The following BRD3 variants were observed in gnomAD, a reference collection of about 807,000 sequenced individuals.
BRD3 encodes the protein bromodomain-containing protein 3.
In BRD3, 17 loss-of-function variants were observed where a neutral mutation model predicts 66.8. That is an observed-to-expected ratio of 0.25 (90% confidence interval 0.17 to 0.38). BRD3 has a LOEUF of 0.38. Ranked by LOEUF, BRD3 falls within the 10% of genes least tolerant of loss-of-function variation. BRD3 has a pLI of 1.00. For synonymous variants in BRD3, 421 were observed against 393.2 expected, an observed-to-expected ratio of 1.07 and a Z score of -0.84; for missense variants, 713 against 956.1, an observed-to-expected ratio of 0.75 and a Z score of 3.35.
At chr9:134,067,358 G>C (rs1326073142) in intron 1 of BRD3, among the ~76,000 whole-genome samples, 3 of 151,292 alleles carry the variant, frequency 2.0e-5, no homozygotes, top group Non-Finnish European at 4.4e-5. Flanking sequence ...CTTGCCCCCC[G>C]CCCCGGCCGC....
At chr9:134,042,529 C>T (rs553661749) in intron 7 of BRD3, among the ~76,000 whole-genome samples, 47 of 152,064 alleles carry the variant, frequency 3.1e-4, no homozygotes, top group Non-Finnish European at 5.6e-4. Flanking sequence ...CCTAGCTGCT[C>T]GGGAGGCTGC....
chr9:134,063,590 GC>G (rs1364583831), intron 1 of BRD3, among the ~76,000 whole-genome samples: 1 of 152,152 alleles, frequency 6.6e-6, no homozygotes, highest in Non-Finnish European at 1.5e-5. Flanking sequence ...CAGGGGCCGG[GC>G]ACCTCACACA....
At chr9:134,040,327 C>T (rs1019044271) in intron 8 of BRD3, 58 bp from the exon 9 acceptor site, 51 of 1,540,182 alleles carry the variant, frequency 3.3e-5, no homozygotes, top group African/African-American at 4.1e-5. Flanking sequence ...ACTGGGGCTG[C>T]GTGGCGCCCT....
chr9:134,062,846 C>T (rs1191012838), intron 1 of BRD3, among the ~76,000 whole-genome samples: 2 of 152,224 alleles, frequency 1.3e-5, no homozygotes, highest in African/African-American at 2.4e-5. Flanking sequence ...GGACTCTCTT[C>T]AGAGGGGCAG....
intron 8 of BRD3, 149 bp downstream of exon 8, chr9:134,041,611 C>T (rs1224862956): frequency 1.9e-6 from 2 of 1,071,652 alleles, no homozygotes; most frequent in Non-Finnish European, 2.6e-6. Context: ...CTGGGGAGGG[C>T]ACTCCGAGTG....
At chr9:134,034,600 G>GT in intron 11 of BRD3, 101 bp downstream of exon 11, 1 of 1,488,278 alleles carries the variant, frequency 6.7e-7, no homozygotes, top group Non-Finnish European at 9.0e-7. Context: ...TCATCAGGAG[G>GT]TAAGCCACAC....
At chr9:134,034,541 A>G in intron 11 of BRD3, 160 bp downstream of exon 11, 1 of 1,043,166 alleles carries the variant, frequency 9.6e-7, no homozygotes, top group Non-Finnish European at 1.4e-6. Flanking sequence ...GTGACAGACC[A>G]GGAAATGGAG....
intron 10 of BRD3, 54 bp from the exon 11 acceptor site, chr9:134,034,883 G>A (rs1843576546): frequency 1.2e-6 from 2 of 1,602,934 alleles, no homozygotes; most frequent in Admixed American, 1.7e-5. Context: ...TGGGGCAGGA[G>A]CCAGGGCTGC....
intron 7 of BRD3, among the ~76,000 whole-genome samples, chr9:134,044,543 A>G (rs546973766): frequency 6.6e-6 from 1 of 152,208 alleles, no homozygotes; most frequent in East Asian, 1.9e-4. Context: ...ATTAACATTT[A>G]TAACAGTGGT....
intron 1 of BRD3, among the ~76,000 whole-genome samples, chr9:134,064,839 GA>G (rs745948382): frequency 1.4e-4 from 21 of 152,202 alleles, no homozygotes; most frequent in Non-Finnish European, 2.8e-4. Context: ...AATAGGCAAA[GA>G]AAACCCTATG....
intron 1 of BRD3, chr9:134,053,813 C>A (rs181222499): frequency 4.6e-4 from 147 of 321,018 alleles, no homozygotes; most frequent in African/African-American, 2.9e-3. Context: ...CTCTCAGGCA[C>A]GGGAGGGAAG....
chr9:134,045,374 A>G lies in BRD3; in HGVS notation c.1134T>C (p.Ala378=). The change falls in exon 7 of 12, where the codon GCT becomes GCC. Residue 378 remains alanine (A), a synonymous_variant. Coordinates refer to ENST00000303407, the MANE Select transcript of BRD3 (RefSeq NM_007371.4). The surrounding 1 kb of genome is among the most constrained non-coding windows in gnomAD (Gnocchi z 4.8). ...AATTCGAGAACATCAGCCGGACATC[A>G]GCAGCAAAGCCCTGTGCGTCTGGGT... is the stretch of plus-strand genomic sequence containing the variant. ...REYPDAQGFA[A]DVRLMFSNCY... 1 of 1,613,750 alleles carries G rather than the reference A, an allele frequency of 6.2e-7. No homozygotes were observed. The highest frequency in any genetic ancestry group is 8.5e-7 in the Non-Finnish European group (1 of 1,180,012).
intron 9 of BRD3, among the ~76,000 whole-genome samples, chr9:134,037,707 A>T (rs953719360): frequency 9.2e-5 from 14 of 151,996 alleles, no homozygotes; most frequent in Non-Finnish European, 1.5e-4. Context: ...AAAAGTAAAA[A>T]TTTTTTTTAA....
At chr9:134,068,055 G>C (rs1258084017), upstream of BRD3, 1 of 144,610 alleles carries the variant, frequency 6.9e-6, no homozygotes, top group Non-Finnish European at 1.5e-5. Context: ...CAGGGCTCAT[G>C]CGCTGCGCCG....
chr9:134,055,512 C>A (rs75716047), intron 1 of BRD3, among the ~76,000 whole-genome samples: 2 of 152,208 alleles, frequency 1.3e-5, no homozygotes, highest in African/African-American at 2.4e-5. Flanking sequence ...GCCAGCCACA[C>A]GGCCTGGTCC....
At chr9:134,061,182 C>T (rs531019929) in intron 1 of BRD3, among the ~76,000 whole-genome samples, 8 of 152,250 alleles carry the variant, frequency 5.3e-5, no homozygotes, top group Non-Finnish European at 1.0e-4. Flanking sequence ...AGCCTTCAGG[C>T]ACTCCACAGA....
chr9:134,061,240 C>A (rs943121037), intron 1 of BRD3, among the ~76,000 whole-genome samples: 1 of 152,254 alleles, frequency 6.6e-6, no homozygotes, highest in Non-Finnish European at 1.5e-5. Context: ...TGGGGCAAAC[C>A]AGCCAAGGGG....
chr9:134,038,034 ACAAT>A, intron 9 of BRD3, among the ~76,000 whole-genome samples: 1 of 152,340 alleles, frequency 6.6e-6, no homozygotes, highest in African/African-American at 2.4e-5. Flanking sequence ...AAACCTTCCA[ACAAT>A]CAAAACTCCA....
chr9:134,062,347 C>A (rs1830561900), intron 1 of BRD3, among the ~76,000 whole-genome samples: 1 of 152,164 alleles, frequency 6.6e-6, no homozygotes, highest in African/African-American at 2.4e-5. Flanking sequence ...TGGGGCATGG[C>A]CCCAGACACG....
Sources: allele counts gnomAD v4.1 joint callset (sites outside exome capture counted in the v4.1 genomes callset), GRCh38; gene constraint gnomAD v4.1.1; non-coding constraint Gnocchi (gnomAD v3.1); transcripts MANE v1.5; gene names NCBI Gene and HGNC (gene_info 2026-07-23, HGNC 2026-07-21).